ALK: variants seen among roughly 807,000 people sequenced by gnomAD.
The protein encoded by ALK is ALK tyrosine kinase receptor.
In ALK, 74 loss-of-function variants were observed where a neutral mutation model predicts 163.1. The ratio of observed to expected loss-of-function variants is 0.45; its 90% confidence interval spans 0.38 to 0.55. The LOEUF (loss-of-function observed/expected upper bound fraction) is 0.55, where lower values mean the gene tolerates loss of function less well. ALK is among the 20% of genes least tolerant of loss of function. The probability of loss-of-function intolerance (pLI) is 0.00; values close to 1 mark genes in which losing one functional copy is unlikely to be tolerated. For missense variants in ALK, 2,063 were observed against 2,105.3 expected (o/e 0.98, Z 0.39); for synonymous variants, 960 against 843.2 (o/e 1.14, Z -2.40).
intron 1 of ALK, among the ~76,000 whole-genome samples, chr2:29,805,396 A>C (rs1457822102): frequency 6.6e-6 from 1 of 152,194 alleles, no homozygotes; most frequent in Non-Finnish European, 1.5e-5. Context: ...GTTACATGGC[A>C]TACATAAATG....
At chr2:29,786,780 G>A (rs377676834) in intron 1 of ALK, among the ~76,000 whole-genome samples, 1 of 151,252 alleles carries the variant, frequency 6.6e-6, no homozygotes, top group Non-Finnish European at 1.5e-5. Flanking sequence ...AGTTTTTTTT[G>A]TTTGTTTGTT....
chr2:29,482,399 C>T lies in ALK; in HGVS notation c.1154+49516G>A, dbSNP rs150531399. On this transcript the variant is annotated intron_variant, in intron 4 of 28. Transcript: ENST00000389048. ...AGTGAGGGCATAAATCCCACTTCTTCAAGGTGAAGGAGAACTGAGGGGGAA... is the reference window on the plus strand; with the variant it reads ...AGTGAGGGCATAAATCCCACTTCTTTAAGGTGAAGGAGAACTGAGGGGGAA... 1.2e-4 allele frequency among the ~76,000 whole-genome samples: 19 copies of T among 152,212 alleles called. No homozygotes were observed. The East Asian group carries it at 3.7e-3, about 29-fold the overall frequency.
intron 4 of ALK, among the ~76,000 whole-genome samples, chr2:29,496,416 C>T (rs189669404): frequency 9.0e-4 from 137 of 152,332 alleles, no homozygotes; most frequent in African/African-American, 3.1e-3. Context: ...GCAGTGCAGG[C>T]TGTGTCCTGC....
intron 3 of ALK, among the ~76,000 whole-genome samples, chr2:29,550,482 G>C (rs368000025): frequency 1.3e-5 from 2 of 152,164 alleles, no homozygotes; most frequent in East Asian, 3.8e-4. Context: ...ATGGCTGTCT[G>C]ATCTTGTTGC....
chr2:29,736,163 T>A (rs1009131454), intron 1 of ALK, among the ~76,000 whole-genome samples: 48 of 152,070 alleles, frequency 3.2e-4, no homozygotes, highest in African/African-American at 1.1e-3. Flanking sequence ...AGAGATAATG[T>A]TTTCAAAGGG....
chr2:29,328,236 G>A, intron 6 of ALK, 114 bp downstream of exon 6: 1 of 1,474,412 alleles, frequency 6.8e-7, no homozygotes, highest in Non-Finnish European at 9.4e-7. Flanking sequence ...GGAGTCACAA[G>A]TGTCAGTGGA....
chr2:29,331,698 G>C (rs1227575491), intron 5 of ALK, among the ~76,000 whole-genome samples: 1 of 152,168 alleles, frequency 6.6e-6, no homozygotes, highest in Non-Finnish European at 1.5e-5. Flanking sequence ...TGACGGGGCT[G>C]TGTCCCAGGA....
At chr2:29,733,071 A>G (rs1679790428) in intron 1 of ALK, among the ~76,000 whole-genome samples, 1 of 152,120 alleles carries the variant, frequency 6.6e-6, no homozygotes, top group Non-Finnish European at 1.5e-5. Context: ...GCTAGGAAAT[A>G]AGTAGAAGGA....
At chr2:29,583,013 C>T (rs1376479368) in intron 3 of ALK, among the ~76,000 whole-genome samples, 1 of 151,224 alleles carries the variant, frequency 6.6e-6, no homozygotes, top group Non-Finnish European at 1.5e-5. Flanking sequence ...CAGGCATGTG[C>T]CACCATGCCT....
chr2:29,470,416 A>G (rs1671321211), intron 4 of ALK, among the ~76,000 whole-genome samples: 1 of 152,186 alleles, frequency 6.6e-6, no homozygotes, highest in Non-Finnish European at 1.5e-5. Context: ...AAAGAAAACT[A>G]TGCCTAGTCA....
intron 1 of ALK, among the ~76,000 whole-genome samples, chr2:29,891,474 C>G (rs1372976510): frequency 2.0e-5 from 3 of 152,152 alleles, no homozygotes; most frequent in African/African-American, 4.8e-5. Context: ...TCAGATCAAG[C>G]ACTTCAGATG....
At chr2:29,640,036 G>T (rs768972315) in intron 3 of ALK, among the ~76,000 whole-genome samples, 6 of 152,186 alleles carry the variant, frequency 3.9e-5, no homozygotes, top group Non-Finnish European at 5.9e-5. Context: ...AGGGGTAGGG[G>T]AGATGCAACT....
intron 19 of ALK, among the ~76,000 whole-genome samples, chr2:29,225,028 A>G (rs528026858): frequency 5.7e-4 from 87 of 152,118 alleles, no homozygotes; most frequent in Non-Finnish European, 1.1e-3. Context: ...CGATTTTCCT[A>G]TCTCTCTGCC....
At chr2:29,462,361 C>T (rs1380241084) in intron 4 of ALK, among the ~76,000 whole-genome samples, 1 of 152,120 alleles carries the variant, frequency 6.6e-6, no homozygotes, top group Non-Finnish European at 1.5e-5. Flanking sequence ...ACAGAAAACT[C>T]TTTCATAAAA....
At chr2:29,573,817 A>G (rs1674447973) in intron 3 of ALK, among the ~76,000 whole-genome samples, 1 of 152,252 alleles carries the variant, frequency 6.6e-6, no homozygotes, top group African/African-American at 2.4e-5. Flanking sequence ...GGAAACAGAC[A>G]GTATACAAAT....
chr2:29,350,980 G>C (rs1032677014), intron 5 of ALK, among the ~76,000 whole-genome samples: 1 of 152,152 alleles, frequency 6.6e-6, no homozygotes, highest in Admixed American at 6.5e-5. Flanking sequence ...GTTTGGGAAG[G>C]CTGCATATTC....
intron 3 of ALK, among the ~76,000 whole-genome samples, chr2:29,630,187 C>T (rs1196716297): frequency 2.0e-5 from 3 of 152,034 alleles, no homozygotes; most frequent in Admixed American, 6.6e-5. Flanking sequence ...GAACAACAGT[C>T]GTGGATGAAT....
At chr2:29,331,346 A>G (rs1667433615) in intron 5 of ALK, among the ~76,000 whole-genome samples, 1 of 152,176 alleles carries the variant, frequency 6.6e-6, no homozygotes, top group African/African-American at 2.4e-5. Context: ...CCCAACACGG[A>G]TGGAAAATAC....
chr2:29,654,449 G>C lies in ALK; in HGVS notation c.952+40401C>G, dbSNP rs566423645. The stretch of plus-strand genomic sequence containing the variant: ...TCTTCCAGGTCTAGCATGCCTTCCA[G>C]TAATTATTTTGAGAGAAACAATGAT... On this transcript the variant is annotated intron_variant, in intron 3 of 28. Transcript: ENST00000389048. Among the ~76,000 whole-genome samples the C allele has an allele frequency of 7.3e-4, 111 of 152,232 alleles. 1 individual carries two copies. The highest frequency in any genetic ancestry group is 2.6e-3 in the African/African-American group (108 of 41,550).
Sources: gnomAD v4.1 joint callset for allele counts (sites outside exome capture counted in the v4.1 genomes callset) on GRCh38, gnomAD v4.1.1 for gene constraint, MANE v1.5 for transcripts, NCBI Gene and HGNC (gene_info 2026-07-23, HGNC 2026-07-21) for gene names.